ITPR1: variants seen among roughly 807,000 people sequenced by gnomAD.
The protein encoded by ITPR1 is inositol 1,4,5-trisphosphate receptor type 1, also known as inositol 1,4,5-trisphosphate-gated calcium channel ITPR1.
A neutral mutation model predicts 318.4 loss-of-function variants in ITPR1; 96 were observed. The observed-to-expected ratio is 0.30, with a 90% confidence interval of 0.26 to 0.36. The LOEUF is 0.36. Ranked by LOEUF, ITPR1 falls within the 10% of genes least tolerant of loss-of-function variation. The probability of loss-of-function intolerance (pLI) is 1.00; values close to 1 mark genes in which losing one functional copy is unlikely to be tolerated. For missense variants in ITPR1, 2,440 were observed against 3,460.2 expected (o/e 0.71, Z 7.40); for synonymous variants, 1,312 against 1,289.9 (o/e 1.02, Z -0.37).
chr3:4,646,287 G>A (rs2093455628), intron 10 of ITPR1, among the ~76,000 whole-genome samples: 1 of 152,228 alleles, frequency 6.6e-6, no homozygotes, highest in Non-Finnish European at 1.5e-5. Context: ...GTGAGAGAGG[G>A]TGAATGTCTG....
intron 52 of ITPR1, among the ~76,000 whole-genome samples, chr3:4,791,096 C>T (rs912945767): frequency 6.6e-6 from 1 of 152,308 alleles, no homozygotes; most frequent in Middle Eastern, 3.4e-3. Flanking sequence ...AGTAAAGTCC[C>T]GTTCCTCTCA....
intron 44 of ITPR1, among the ~76,000 whole-genome samples, chr3:4,757,872 C>T (rs2045128756): frequency 1.3e-5 from 2 of 152,158 alleles, no homozygotes; most frequent in African/African-American, 4.8e-5. Flanking sequence ...GTAAGCCCCA[C>T]CTCTTGGTAG....
At chr3:4,728,685 G>T (rs375881879) in intron 42 of ITPR1, among the ~76,000 whole-genome samples, 1 of 152,118 alleles carries the variant, frequency 6.6e-6, no homozygotes, top group African/African-American at 2.4e-5. Flanking sequence ...AGCAGGTCTT[G>T]TTCATTTTTT....
At chr3:4,558,833 C>CTT (rs139536328) in intron 4 of ITPR1, among the ~76,000 whole-genome samples, 77 of 147,004 alleles carry the variant, frequency 5.2e-4, no homozygotes, top group Non-Finnish European at 1.1e-3. Context: ...TGTCTTTTTT[C>CTT]TTTTTTTTTT....
chr3:4,601,133 T>C (rs1386181418), intron 4 of ITPR1, among the ~76,000 whole-genome samples: 1 of 151,434 alleles, frequency 6.6e-6, no homozygotes, highest in Non-Finnish European at 1.5e-5. Flanking sequence ...TCAATTGATT[T>C]TTCAACATAG....
At chr3:4,612,844 G>T (rs1310126082) in intron 4 of ITPR1, among the ~76,000 whole-genome samples, 1 of 152,170 alleles carries the variant, frequency 6.6e-6, no homozygotes, top group Non-Finnish European at 1.5e-5. Context: ...CCAAGATCCT[G>T]CTCCTGCACT....
At chr3:4,715,965 T>A (rs1477189328) in intron 39 of ITPR1, among the ~76,000 whole-genome samples, 2 of 152,198 alleles carry the variant, frequency 1.3e-5, no homozygotes, top group African/African-American at 4.8e-5. Context: ...TCTTTAATTC[T>A]TATGTCTCTA....
chr3:4,691,186 T>A lies in ITPR1; in HGVS notation c.3871T>A (p.Phe1291Ile). 2.5e-6 allele frequency: 4 copies of A among 1,613,080 alleles called. No homozygotes were observed. The highest frequency in any genetic ancestry group is 3.4e-6 in the Non-Finnish European group (4 of 1,179,362). ...VTMQHIFMNN[F>I]QLCSEINERV... ...CATGCAGCACATCTTCATGAACAAT[T>A]TCCAGCTTTGCAGTGAGATCAACGA... is the stretch of plus-strand genomic sequence containing the variant. Residue 1291 changes from phenylalanine (F) to isoleucine (I), a missense_variant, in exon 32 of 62, where the codon TTC becomes ATC. This residue lies in a region of ITPR1 where 222 missense variants were observed against 318.8 expected (regional missense o/e 0.70). Coordinates refer to ENST00000649015, the MANE Select transcript of ITPR1 (RefSeq NM_001378452.1).
intron 44 of ITPR1, among the ~76,000 whole-genome samples, chr3:4,745,181 C>T (rs1342114446): frequency 6.8e-6 from 1 of 146,308 alleles, no homozygotes; most frequent in African/African-American, 2.5e-5. Context: ...CCTTTTCCTT[C>T]ATTTTTTTCT....
intron 4 of ITPR1, among the ~76,000 whole-genome samples, chr3:4,560,498 T>C (rs1046737159): frequency 6.6e-6 from 1 of 152,176 alleles, no homozygotes; most frequent in African/African-American, 2.4e-5. Context: ...ATAGTATCTG[T>C]TTTTTCCTTC....
chr3:4,549,081 C>G (rs561360296), intron 4 of ITPR1, among the ~76,000 whole-genome samples: 1 of 152,226 alleles, frequency 6.6e-6, no homozygotes, highest in East Asian at 1.9e-4. Context: ...GAACTTAAGC[C>G]CTCTCCATTT....
intron 4 of ITPR1, among the ~76,000 whole-genome samples, chr3:4,579,038 C>T (rs555398543): frequency 1.1e-4 from 17 of 152,272 alleles, no homozygotes; most frequent in Admixed American, 9.2e-4. Flanking sequence ...GCTGTTGTGA[C>T]GTGAACATTC....
intron 23 of ITPR1, among the ~76,000 whole-genome samples, chr3:4,675,661 G>C (rs1354935018): frequency 1.3e-5 from 2 of 151,972 alleles, no homozygotes; most frequent in Admixed American, 1.3e-4. Context: ...TATTTGTTTA[G>C]GATGTAAGAA....
At chr3:4,740,896 G>A (rs1362293735) in intron 44 of ITPR1, among the ~76,000 whole-genome samples, 1 of 152,250 alleles carries the variant, frequency 6.6e-6, no homozygotes, top group African/African-American at 2.4e-5. Flanking sequence ...CCACTCTGGT[G>A]CCACCCGCTT....
At position 4,710,150 on chromosome 3, in the gene ITPR1, A is replaced by G. The variant is rs1387856340; in HGVS notation, c.4843-175A>G. Among the ~76,000 whole-genome samples, 4 of 152,314 alleles carry G rather than the reference A, an allele frequency of 2.6e-5. No individual in the cohort carries two copies. In the East Asian group the frequency reaches 7.7e-4, roughly 29 times the overall value. On this transcript the variant is annotated intron_variant, in intron 37 of 61. Transcript: ENST00000649015. This position sits in a 1 kb window ranked among gnomAD's most constrained non-coding sequence, Gnocchi z 4.2. ...CACTTTGTTTTCTGCATCAGAGGCTAATGTTTCAGGTAACCATTGGGCAAT... is the reference window on the plus strand; with the variant it reads ...CACTTTGTTTTCTGCATCAGAGGCTGATGTTTCAGGTAACCATTGGGCAAT...
chr3:4,711,210 CAAAAAA>C (rs1169754547), intron 38 of ITPR1, among the ~76,000 whole-genome samples: 606 of 57,896 alleles, frequency 0.01, 4 homozygotes, highest in African/African-American at 0.031. Flanking sequence ...GACCTTGTCT[CAAAAAA>C]AAAAAAAAAA....
chr3:4,637,984 T>C (rs1171881498), intron 5 of ITPR1, among the ~76,000 whole-genome samples: 1 of 152,230 alleles, frequency 6.6e-6, no homozygotes, highest in African/African-American at 2.4e-5. Flanking sequence ...ACATTTTCTC[T>C]GATCTCTACG....
chr3:4,520,755 G>C (rs1483277822), intron 3 of ITPR1, among the ~76,000 whole-genome samples: 1 of 152,124 alleles, frequency 6.6e-6, no homozygotes, highest in African/African-American at 2.4e-5. Context: ...CACCTTGCAT[G>C]CTATACTCAG....
At chr3:4,746,614 C>T (rs1409517731) in intron 44 of ITPR1, among the ~76,000 whole-genome samples, 1 of 152,152 alleles carries the variant, frequency 6.6e-6, no homozygotes, top group African/African-American at 2.4e-5. Context: ...ACTGTAAGAC[C>T]CGAGGGGGCA....
Sources: allele counts gnomAD v4.1 joint callset (sites outside exome capture counted in the v4.1 genomes callset), GRCh38; gene constraint gnomAD v4.1.1; regional missense constraint gnomAD v4.1.1; non-coding constraint Gnocchi (gnomAD v3.1); transcripts MANE v1.5; gene names NCBI Gene and HGNC (gene_info 2026-07-23, HGNC 2026-07-21).